Variants in UBXN2A observed in about 807,000 individuals in gnomAD.
UBXN2A encodes UBX domain protein 2A.
UBXN2A carries 28 observed loss-of-function variants against 28.4 expected under a neutral mutation model. The observed-to-expected ratio is 0.99, with a 90% CI of 0.73 to 1.35. UBXN2A has a LOEUF of 1.35. UBXN2A is among the 40% of genes most tolerant of loss of function. The pLI is 0.00. For synonymous variants in UBXN2A, 97 were observed against 103.6 expected (o/e 0.94, Z 0.39); for missense variants, 253 against 297.9 (o/e 0.85, Z 1.11).
chr2:23,994,124 T>C (rs1390731726), intron 6 of UBXN2A, among the ~76,000 whole-genome samples: 1 of 152,218 alleles, frequency 6.6e-6, no homozygotes, highest in Admixed American at 6.5e-5. Context: ...AGAATGCCCA[T>C]ATGTTGTCTT....
At chr2:23,977,565 C>G (rs1056208999) in intron 4 of UBXN2A, among the ~76,000 whole-genome samples, 1 of 150,832 alleles carries the variant, frequency 6.6e-6, no homozygotes, top group Non-Finnish European at 1.5e-5. Flanking sequence ...CACTTGAACC[C>G]GAGAGGCGGA....
intron 2 of UBXN2A, among the ~76,000 whole-genome samples, chr2:23,961,581 C>A: frequency 9.6e-6 from 1 of 103,956 alleles, no homozygotes; most frequent in African/African-American, 3.7e-5. Context: ...TGAAGTCTTG[C>A]TCTGTCACCA....
At chr2:23,977,163 A>G in intron 4 of UBXN2A, 88 bp downstream of exon 4, 1 of 1,035,812 alleles carries the variant, frequency 9.7e-7, no homozygotes, top group South Asian at 1.4e-5. Flanking sequence ...CAGGAGTTCA[A>G]GGCCAGCCGG....
intron 6 of UBXN2A, among the ~76,000 whole-genome samples, chr2:23,990,888 G>T (rs1708328172): frequency 6.6e-6 from 1 of 152,040 alleles, no homozygotes. Context: ...ATTCATGTCA[G>T]GTTTAAAAAA....
At chr2:23,968,384 G>A (rs1707259753) in intron 2 of UBXN2A, among the ~76,000 whole-genome samples, 1 of 152,108 alleles carries the variant, frequency 6.6e-6, no homozygotes, top group Admixed American at 6.6e-5. Flanking sequence ...TTAGTTAACA[G>A]TATCTAACTT....
At chr2:23,946,196 C>G (rs1183473534) in intron 1 of UBXN2A, among the ~76,000 whole-genome samples, 4 of 152,062 alleles carry the variant, frequency 2.6e-5, no homozygotes, top group African/African-American at 9.7e-5. Flanking sequence ...CTTCGACATC[C>G]AGGCTGGAGT....
chr2:23,988,497 T>C (rs1441973761), intron 6 of UBXN2A, among the ~76,000 whole-genome samples: 1 of 152,192 alleles, frequency 6.6e-6, no homozygotes. Flanking sequence ...TGCTTCCTCA[T>C]GATTATATTT....
At chr2:23,937,261 A>G (rs72796357), upstream of UBXN2A, among the ~76,000 whole-genome samples, 18,279 of 152,126 alleles carry the variant, frequency 0.12, 1,173 homozygotes, top group Middle Eastern at 0.21. Flanking sequence ...AAATAAAACT[A>G]TGGCCAAGTG....
At chr2:23,928,309 C>T (rs938687091) in intron 1 of UBXN2A, among the ~76,000 whole-genome samples, 4 of 152,198 alleles carry the variant, frequency 2.6e-5, no homozygotes, top group African/African-American at 7.2e-5. Flanking sequence ...ACAGGCCGGG[C>T]TTACGCCTGT....
intron 1 of UBXN2A, among the ~76,000 whole-genome samples, chr2:23,957,059 TG>T (rs1159898987): frequency 6.6e-6 from 1 of 152,166 alleles, no homozygotes; most frequent in Non-Finnish European, 1.5e-5. Flanking sequence ...TGTAAATAGT[TG>T]TTATGTAATT....
intron 1 of UBXN2A, among the ~76,000 whole-genome samples, chr2:23,949,204 C>A (rs937786361): frequency 2.0e-5 from 3 of 149,732 alleles, no homozygotes; most frequent in Non-Finnish European, 4.4e-5. Context: ...TCAGGTGATC[C>A]GCCTGCCTTG....
intron 1 of UBXN2A, among the ~76,000 whole-genome samples, chr2:23,929,565 T>C (rs1705309524): frequency 6.6e-6 from 1 of 151,748 alleles, no homozygotes; most frequent in Non-Finnish European, 1.5e-5. Flanking sequence ...TACAAAAAAT[T>C]AGCCAGGCAT....
intron 5 of UBXN2A, 51 bp from the exon 6 acceptor site, chr2:23,984,622 A>G: frequency 7.5e-7 from 1 of 1,341,606 alleles, no homozygotes; most frequent in Middle Eastern, 2.6e-4. Flanking sequence ...TTAATAATAA[A>G]GTTTTATTGA....
chr2:23,992,184 C>T (rs560100932), intron 6 of UBXN2A, among the ~76,000 whole-genome samples: 2 of 152,096 alleles, frequency 1.3e-5, no homozygotes, highest in East Asian at 3.9e-4. Context: ...GTTGGCCAGG[C>T]TGGTCTTGAT....
intron 4 of UBXN2A, among the ~76,000 whole-genome samples, chr2:23,980,078 A>G (rs904289942): frequency 6.6e-5 from 10 of 152,106 alleles, no homozygotes; most frequent in African/African-American, 2.2e-4. Flanking sequence ...GAAAAAGCCG[A>G]ATATATTGCT....
intron 6 of UBXN2A, among the ~76,000 whole-genome samples, chr2:23,996,622 G>A (rs868592020): frequency 1.1e-4 from 16 of 149,488 alleles, no homozygotes; most frequent in South Asian, 4.3e-4. Flanking sequence ...AACTACAGGC[G>A]CCTGCCACCA....
chr2:23,934,780 A>G (rs1290353499), intron 1 of UBXN2A, among the ~76,000 whole-genome samples: 1 of 152,164 alleles, frequency 6.6e-6, no homozygotes, highest in African/African-American at 2.4e-5. Context: ...TAAATATAGT[A>G]TAGAAAAACA....
upstream of UBXN2A, among the ~76,000 whole-genome samples, chr2:23,937,783 T>C (rs1705571812): frequency 6.6e-6 from 1 of 152,180 alleles, no homozygotes; most frequent in Non-Finnish European, 1.5e-5. Context: ...TGCTTAACCA[T>C]GGGGGCACCT....
chr2:23,987,826 A>G (rs535899319), intron 6 of UBXN2A, among the ~76,000 whole-genome samples: 3 of 151,728 alleles, frequency 2.0e-5, no homozygotes, highest in Non-Finnish European at 4.4e-5. Context: ...CAAGAACAAT[A>G]TAAAGAACTT....
Sources: gnomAD v4.1 joint callset for allele counts (sites outside exome capture counted in the v4.1 genomes callset) on GRCh38, gnomAD v4.1.1 for gene constraint, MANE v1.5 for transcripts, NCBI Gene and HGNC (gene_info 2026-07-23, HGNC 2026-07-21) for gene names.